The following NFIA variants were observed in gnomAD, a reference collection of about 807,000 sequenced individuals.
The protein encoded by NFIA is nuclear factor 1 A-type.
In NFIA, 8 loss-of-function variants were observed where a neutral mutation model predicts 62.8. The observed-to-expected ratio is 0.13, with a 90% confidence interval of 0.07 to 0.23. The LOEUF (loss-of-function observed/expected upper bound fraction) is 0.23. NFIA is among the 10% of genes least tolerant of loss of function. The probability of loss-of-function intolerance (pLI) is 1.00; values close to 1 mark genes in which losing one functional copy is unlikely to be tolerated. For synonymous variants in NFIA, 235 were observed against 238.1 expected, an observed-to-expected ratio of 0.99 and a Z score of 0.12; for missense variants, 410 against 642.1, an observed-to-expected ratio of 0.64 and a Z score of 3.91.
rs566562464 is a variant in NFIA, at chr1:61,391,301, A to G, written c.1075+7936A>G. ...TGGTCTCGAACTCCTGGCTCAAGCA[A>G]TCCTCCTGCTTCAACCTTCCAAAGT... On this transcript the variant is annotated intron_variant, in intron 7 of 10. Coordinates refer to ENST00000403491, the MANE Select transcript of NFIA (RefSeq NM_001134673.4). 5.1e-4 allele frequency among the ~76,000 whole-genome samples: 77 copies of G among 152,176 alleles called. 1 individual carries two copies. In the South Asian group the frequency reaches 7.1e-3, roughly 14 times the overall value.
intron 2 of NFIA, among the ~76,000 whole-genome samples, chr1:61,236,738 C>T (rs1655036715): frequency 1.3e-5 from 2 of 151,988 alleles, no homozygotes; most frequent in East Asian, 1.9e-4. Context: ...GTGGTATTAA[C>T]GTGTGAAGGA....
intron 3 of NFIA, among the ~76,000 whole-genome samples, chr1:61,280,095 TTTC>T (rs1253682700): frequency 6.6e-6 from 1 of 152,250 alleles, no homozygotes; most frequent in African/African-American, 2.4e-5. Flanking sequence ...CCTACTCAGT[TTTC>T]TGCCTCTTGT....
At chr1:61,366,642 GC>G (rs1292240688) in intron 6 of NFIA, among the ~76,000 whole-genome samples, 1 of 152,076 alleles carries the variant, frequency 6.6e-6, no homozygotes, top group African/African-American at 2.4e-5. Context: ...AGTACTTTAG[GC>G]CGAGCACAAT....
At chr1:61,119,836 A>G (rs1276852303) in intron 2 of NFIA, among the ~76,000 whole-genome samples, 2 of 152,130 alleles carry the variant, frequency 1.3e-5, no homozygotes, top group Non-Finnish European at 2.9e-5. Context: ...TGGTGAGTAG[A>G]TATTTGTATT....
chr1:61,267,769 C>T (rs1657263400), intron 2 of NFIA, among the ~76,000 whole-genome samples: 1 of 152,074 alleles, frequency 6.6e-6, no homozygotes, highest in South Asian at 2.1e-4. Flanking sequence ...GTTGCTCTAC[C>T]CCAGTTTCAC....
chr1:61,360,050 C>CT (rs1663200800), intron 6 of NFIA, among the ~76,000 whole-genome samples: 1 of 152,256 alleles, frequency 6.6e-6, no homozygotes, highest in Non-Finnish European at 1.5e-5. Context: ...AATAAGGACA[C>CT]TTTGCAATAT....
At chr1:61,452,423 G>T (rs1472107918) in intron 10 of NFIA, among the ~76,000 whole-genome samples, 1 of 152,154 alleles carries the variant, frequency 6.6e-6, no homozygotes, top group African/African-American at 2.4e-5. Flanking sequence ...GAAGATTAGT[G>T]TGATGTTGAA....
intron 2 of NFIA, among the ~76,000 whole-genome samples, chr1:61,112,863 C>G (rs137939826): frequency 6.6e-6 from 1 of 152,014 alleles, no homozygotes; most frequent in Non-Finnish European, 1.5e-5. Context: ...TTAATTACAT[C>G]GTGCATATAT....
rs185760984 is a variant in NFIA at position 61,457,533 on chromosome 1, A to G, written c.*2213A>G. The G allele has an allele frequency of 1.9e-4, 29 of 152,304 alleles. No individual in the cohort carries two copies. Among genetic ancestry groups the G allele is most frequent in the Admixed American group, 1.7e-3 (26 of 15,292 alleles). The allele number at this position is 152,304 out of a possible 1,614,324, so 9.4% of individuals were successfully genotyped here. A position where few individuals can be genotyped will look rare whatever the true frequency, so the allele number is the denominator to read the frequency against. Reference sequence around the variant, plus strand: ...ATTTTGGATGTTGCTGCATTTTACAATTTATTTGGAGTCTTCCTTTATTTT... The same window carrying G: ...ATTTTGGATGTTGCTGCATTTTACAGTTTATTTGGAGTCTTCCTTTATTTT... On this transcript the variant is annotated 3_prime_UTR_variant, in exon 11 of 11. Transcript: ENST00000403491. The surrounding 1 kb of genome is among the most constrained non-coding windows in gnomAD (Gnocchi z 4.2).
chr1:61,370,873 A>G (rs965340046), intron 6 of NFIA, among the ~76,000 whole-genome samples: 1 of 152,196 alleles, frequency 6.6e-6, no homozygotes, highest in African/African-American at 2.4e-5. Flanking sequence ...GAGGTAGTTT[A>G]AAGTTTTCAT....
intron 7 of NFIA, among the ~76,000 whole-genome samples, chr1:61,389,783 G>A (rs1425280022): frequency 6.7e-6 from 1 of 150,364 alleles, no homozygotes; most frequent in Non-Finnish European, 1.5e-5. Context: ...AAATCACTTA[G>A]CCTTTTTTAT....
At chr1:61,307,811 G>T (rs184946414) in intron 3 of NFIA, among the ~76,000 whole-genome samples, 25 of 152,302 alleles carry the variant, frequency 1.6e-4, no homozygotes, top group African/African-American at 5.3e-4. Flanking sequence ...TGAGCATTTT[G>T]TGATGATAAC....
intron 3 of NFIA, among the ~76,000 whole-genome samples, chr1:61,308,698 C>T (rs1162596408): frequency 6.6e-6 from 1 of 152,120 alleles, no homozygotes; most frequent in Non-Finnish European, 1.5e-5. Flanking sequence ...AACTTTCTGT[C>T]TTAGTTTTCT....
At chr1:61,441,676 G>C (rs1667590069) in intron 10 of NFIA, among the ~76,000 whole-genome samples, 1 of 152,110 alleles carries the variant, frequency 6.6e-6, no homozygotes, top group Non-Finnish European at 1.5e-5. Flanking sequence ...ATGAAATATA[G>C]TGATAATGAA....
intron 9 of NFIA, among the ~76,000 whole-genome samples, chr1:61,416,881 G>A (rs1666372282): frequency 6.6e-6 from 1 of 152,076 alleles, no homozygotes; most frequent in Non-Finnish European, 1.5e-5. Flanking sequence ...GTAATATCAT[G>A]CAGCTTTCCT....
chr1:61,088,550 A>G lies in NFIA; in HGVS notation c.429A>G (p.Glu143=), dbSNP rs887370476. ...MVILFKGIPL[E]STDGERLVKS... ...TTTTGTTTAAAGGTATTCCGCTGGA[A>G]AGTACTGATGGCGAGCGCCTTGTAA... The change falls in exon 2 of 11, where the codon GAA becomes GAG. Residue 143 remains glutamate (E), a synonymous_variant. Coordinates refer to ENST00000403491, the MANE Select transcript of NFIA (RefSeq NM_001134673.4). This position sits in a 1 kb window ranked among gnomAD's most constrained non-coding sequence, Gnocchi z 4.5. The G allele has an allele frequency of 4.3e-6, 7 of 1,614,168 alleles. No homozygotes were observed. Among genetic ancestry groups the G allele is most frequent in the Non-Finnish European group, 5.9e-6 (7 of 1,180,020 alleles).
At chr1:61,227,373 T>C (rs1654398639) in intron 2 of NFIA, among the ~76,000 whole-genome samples, 1 of 152,216 alleles carries the variant, frequency 6.6e-6, no homozygotes, top group Non-Finnish European at 1.5e-5. Context: ...TCATAATCTT[T>C]GGCAATCTAG....
chr1:61,332,471 T>C (rs1332939893), intron 3 of NFIA, 41 bp from the exon 4 acceptor site: 13 of 1,560,292 alleles, frequency 8.3e-6, no homozygotes, highest in Non-Finnish European at 1.1e-5. Flanking sequence ...AAATGTCTTG[T>C]ATTTATGACA....
In NFIA at chr1:61,455,728, C is replaced by A. The variant is rs188803490; in HGVS notation, c.*408C>A. 16 of 242,086 alleles carry A rather than the reference C, an allele frequency of 6.6e-5. No homozygotes were observed. The East Asian group carries it at 1.0e-3, about 15-fold the overall frequency. 15.0% of individuals were successfully genotyped at this position (242,086 alleles called of 1,614,324 possible). On this transcript the variant is annotated 3_prime_UTR_variant, in exon 11 of 11. Transcript: ENST00000403491. ...ACAGTATTTCATGAATTTACCCACA[C>A]AGGTGTGATCCTCCTTGAGCATTGA...
Sources: gnomAD v4.1 joint callset for allele counts (sites outside exome capture counted in the v4.1 genomes callset) on GRCh38, gnomAD v4.1.1 for gene constraint, Gnocchi (gnomAD v3.1) non-coding constraint, MANE v1.5 for transcripts, NCBI Gene and HGNC (gene_info 2026-07-23, HGNC 2026-07-21) for gene names.